EIF4G3: variants seen among roughly 807,000 people sequenced by gnomAD.
EIF4G3 encodes the protein eIF-4-gamma 3.
EIF4G3 carries 34 observed loss-of-function variants against 186.4 expected under a neutral mutation model. The observed-to-expected ratio is 0.18, with a 90% CI of 0.14 to 0.24. The LOEUF (loss-of-function observed/expected upper bound fraction) is 0.24. Ranked by LOEUF, EIF4G3 falls within the 10% of genes least tolerant of loss-of-function variation. The pLI is 1.00. For synonymous variants in EIF4G3, 673 were observed against 679.5 expected (o/e 0.99, Z 0.15); for missense variants, 1,536 against 1,948.5 (o/e 0.79, Z 3.99).
intron 2 of EIF4G3, among the ~76,000 whole-genome samples, chr1:21,091,882 G>A (rs2096216319): frequency 6.6e-6 from 1 of 152,174 alleles, no homozygotes; most frequent in Non-Finnish European, 1.5e-5. Flanking sequence ...TTAGTTTAAG[G>A]AGATTTTGGG....
chr1:20,994,272 T>C (rs1325641399), intron 7 of EIF4G3, among the ~76,000 whole-genome samples: 1 of 152,186 alleles, frequency 6.6e-6, no homozygotes, highest in African/African-American at 2.4e-5. Context: ...TAGCAAACTC[T>C]TTCTAACAAT....
At chr1:21,070,800 G>C (rs757400373) in intron 3 of EIF4G3, among the ~76,000 whole-genome samples, 1 of 152,136 alleles carries the variant, frequency 6.6e-6, no homozygotes, top group Non-Finnish European at 1.5e-5. Flanking sequence ...AAACATTCTT[G>C]ACAGCACAAT....
intron 2 of EIF4G3, among the ~76,000 whole-genome samples, chr1:21,104,357 G>C (rs1306575702): frequency 6.6e-6 from 1 of 152,062 alleles, no homozygotes; most frequent in Admixed American, 6.6e-5. Context: ...CAGACCAAAA[G>C]TCAGTAAACA....
At chr1:20,877,597 A>G (rs1164085577) in intron 20 of EIF4G3, among the ~76,000 whole-genome samples, 1 of 152,200 alleles carries the variant, frequency 6.6e-6, no homozygotes, top group African/African-American at 2.4e-5. Context: ...CAACATTCAA[A>G]ACCTTCACAA....
intron 33 of EIF4G3, 121 bp from the exon 34 acceptor site, chr1:20,817,659 C>A: frequency 2.0e-6 from 1 of 490,602 alleles, no homozygotes; most frequent in South Asian, 7.6e-5. Flanking sequence ...AAATGATCAG[C>A]AGAGGCTATT....
intron 7 of EIF4G3, among the ~76,000 whole-genome samples, chr1:20,989,081 G>GGGAGAGGAGA (rs1553394546): frequency 0.061 from 2,249 of 36,698 alleles, 111 homozygotes; most frequent in Non-Finnish European, 0.099. Flanking sequence ...GGGAGGGGAG[G>GGGAGAGGAGA]GGAGAGGAGA....
In EIF4G3 at chr1:20,969,515, G is replaced by A. The variant is rs747223441; in HGVS notation, c.673C>T (p.Pro225Ser). Residue 225 changes from proline (P) to serine (S), a missense_variant, in exon 12 of 37, where the codon CCA (proline) becomes TCA (serine). By Grantham distance (74) the Pro-to-Ser change is moderately conservative. Coordinates refer to ENST00000602326, the MANE Select transcript of EIF4G3 (RefSeq NM_001391906.1). ...MSGGGSRNPT[P>S]PIGRPTSTPT... Reference sequence around the variant, plus strand: ...GTGGACGTGGGTCTTCCTATGGGTGGAGTAGGATTTCTGCTGCCACCTCCA... The same window carrying A: ...GTGGACGTGGGTCTTCCTATGGGTGAAGTAGGATTTCTGCTGCCACCTCCA... 2 of 1,613,780 alleles carry A rather than the reference G, an allele frequency of 1.2e-6. No individual in the cohort carries two copies. Among genetic ancestry groups the A allele is most frequent in the Admixed American group, 1.7e-5 (1 of 59,986 alleles).
rs2083478167 is a variant in EIF4G3 at position 21,001,446 on chromosome 1, G to T, written c.31-134C>A. ...GGGGGTATACAGAAAGAGGGCCAAA[G>T]AATTCTTTGCAATAGGAGCTTACCA... On this transcript the variant is annotated intron_variant, in intron 5 of 36. Transcript: ENST00000602326. 1.6e-5 allele frequency: 6 copies of T among 381,086 alleles called. No homozygotes were observed. The Admixed American group carries it at 1.7e-4, about 11-fold the overall frequency. 23.6% of individuals were successfully genotyped at this position (381,086 alleles called of 1,614,324 possible). A position where few individuals can be genotyped will look rare whatever the true frequency, so the allele number is the denominator to read the frequency against.
At chr1:20,989,948 G>A (rs1216783032) in intron 7 of EIF4G3, among the ~76,000 whole-genome samples, 5 of 152,174 alleles carry the variant, frequency 3.3e-5, no homozygotes, top group African/African-American at 1.2e-4. Flanking sequence ...AGGCCGAAAC[G>A]GGCGGATCAC....
chr1:20,838,341 C>G (rs2067375522), intron 30 of EIF4G3, among the ~76,000 whole-genome samples: 1 of 152,162 alleles, frequency 6.6e-6, no homozygotes, highest in East Asian at 1.9e-4. Flanking sequence ...TTACCATTAT[C>G]ATTTCCAGAA....
At chr1:20,855,282 C>A (rs1353087771) in intron 25 of EIF4G3, among the ~76,000 whole-genome samples, 3 of 152,022 alleles carry the variant, frequency 2.0e-5, no homozygotes, top group Non-Finnish European at 4.4e-5. Context: ...CCAGTTTCCA[C>A]AAAAAACTGT....
intron 12 of EIF4G3, among the ~76,000 whole-genome samples, chr1:20,957,216 T>G (rs2096453800): frequency 6.6e-6 from 1 of 152,104 alleles, no homozygotes; most frequent in Admixed American, 6.5e-5. Flanking sequence ...AAAATGATTT[T>G]TAAAGTTCTT....
At chr1:20,826,481 CTTTTTTTTTTTTTTTTT>C (rs71014120) in intron 32 of EIF4G3, among the ~76,000 whole-genome samples, 1 of 50,634 alleles carries the variant, frequency 2.0e-5, no homozygotes, top group African/African-American at 7.1e-5. Flanking sequence ...GTGAGTCTTT[CTTTTTTTTTTTTTTTTT>C]TTTTTTTTTT....
At chr1:21,054,119 G>C (rs1429340390) in intron 3 of EIF4G3, among the ~76,000 whole-genome samples, 2 of 152,120 alleles carry the variant, frequency 1.3e-5, no homozygotes, top group South Asian at 4.2e-4. Context: ...ATTTTGTTCT[G>C]TACTAAGAAA....
chr1:20,831,816 A>T (rs1392163896), intron 30 of EIF4G3, among the ~76,000 whole-genome samples: 8 of 137,808 alleles, frequency 5.8e-5, no homozygotes, highest in Non-Finnish European at 1.1e-4. Flanking sequence ...TGTCCATGTG[A>T]TCTCATTGTT....
chr1:21,115,071 A>C (rs1034398543), intron 2 of EIF4G3, among the ~76,000 whole-genome samples: 1 of 152,226 alleles, frequency 6.6e-6, no homozygotes. Context: ...ATACAAAATA[A>C]GGGCAAAAAA....
At chr1:20,820,602 T>G (rs2062096426) in intron 33 of EIF4G3, among the ~76,000 whole-genome samples, 1 of 151,856 alleles carries the variant, frequency 6.6e-6, no homozygotes, top group African/African-American at 2.4e-5. Flanking sequence ...CAGAGTGGAG[T>G]AGGGGCTCAT....
At chr1:20,939,805 G>A (rs1558333399) in intron 14 of EIF4G3, among the ~76,000 whole-genome samples, 2 of 150,892 alleles carry the variant, frequency 1.3e-5, no homozygotes, top group Non-Finnish European at 2.9e-5. Context: ...GTGTTTCTTC[G>A]GAGGGCATTT....
rs574217283 is a variant in EIF4G3, at chr1:20,908,410, T to C, written c.1664-3439A>G. Among the ~76,000 whole-genome samples the C allele has an allele frequency of 1.4e-4, 21 of 152,288 alleles. No homozygotes were observed. In the East Asian group the frequency reaches 3.1e-3, roughly 22 times the overall value. ...ACAAATTAACAGACATGTTTAATCA[T>C]TGGGCTTTAGGGAGATTCTCTGTCT... On this transcript the variant is annotated intron_variant, in intron 14 of 36. Coordinates refer to ENST00000602326, the MANE Select transcript of EIF4G3 (RefSeq NM_001391906.1).
Sources: allele counts gnomAD v4.1 joint callset (sites outside exome capture counted in the v4.1 genomes callset), GRCh38; gene constraint gnomAD v4.1.1; transcripts MANE v1.5; gene names NCBI Gene and HGNC (gene_info 2026-07-23, HGNC 2026-07-21).